ERC1: variants seen among roughly 807,000 people sequenced by gnomAD.
ERC1 encodes ELKS/RAB6-interacting/CAST family member 1, also known as RAB6 interacting protein 2.
A neutral mutation model predicts 132.0 loss-of-function variants in ERC1; 56 were observed. The ratio of observed to expected loss-of-function variants is 0.42; its 90% CI spans 0.34 to 0.53. The LOEUF (loss-of-function observed/expected upper bound fraction) is 0.53. Ranked by LOEUF, ERC1 falls within the 20% of genes least tolerant of loss-of-function variation. ERC1 has a pLI of 0.03. For synonymous variants in ERC1, 478 were observed against 476.1 expected (o/e 1.00, Z -0.05); for missense variants, 1,202 against 1,349.9 (o/e 0.89, Z 1.72).
intron 18 of ERC1, among the ~76,000 whole-genome samples, chr12:1,457,725 C>T (rs2093567750): frequency 6.6e-6 from 1 of 151,266 alleles, no homozygotes; most frequent in African/African-American, 2.4e-5. Flanking sequence ...AAAAGTTAAT[C>T]GAAAAAGGAA....
At chr12:1,080,526 A>G (rs1341964427) in intron 2 of ERC1, among the ~76,000 whole-genome samples, 3 of 152,172 alleles carry the variant, frequency 2.0e-5, no homozygotes, top group East Asian at 3.9e-4. Context: ...TCAAATCTCA[A>G]CTGGAATTGT....
At chr12:1,189,724 C>T in intron 11 of ERC1, 135 bp from the exon 12 acceptor site, 1 of 620,730 alleles carries the variant, frequency 1.6e-6, no homozygotes, top group Non-Finnish European at 2.7e-6. Context: ...AGATAAAAAC[C>T]TTATAAATTA....
rs193181479 is a variant in ERC1 at position 1,000,469 on chromosome 12, G to A, written c.-157+9147G>A. On this transcript the variant is annotated intron_variant, in intron 1 of 18. Transcript: ENST00000360905. ...CCACTGCACTCCAGTCTGGATGACA[G>A]AGCGAGACCCTGTCTCAGAAAAAAA... Among the ~76,000 whole-genome samples the A allele has an allele frequency of 2.0e-4, 30 of 150,420 alleles. 1 individual carries two copies. The highest frequency in any genetic ancestry group is 1.9e-3 in the Admixed American group (29 of 15,126).
At chr12:1,404,585 G>C (rs963213181) in intron 16 of ERC1, among the ~76,000 whole-genome samples, 1 of 152,196 alleles carries the variant, frequency 6.6e-6, no homozygotes, top group Non-Finnish European at 1.5e-5. Context: ...GATAGAACTA[G>C]ATATTTACAT....
chr12:1,008,451 TA>T (rs1964107586), intron 1 of ERC1, among the ~76,000 whole-genome samples: 2 of 152,146 alleles, frequency 1.3e-5, no homozygotes, highest in Non-Finnish European at 1.5e-5. Context: ...TAATTTTTTT[TA>T]ATTTTTTTGA....
In ERC1 at chr12:1,139,059, A is replaced by G. The variant is rs370474034; in HGVS notation, c.1570-2561A>G. ...AACAGAAGTGTGAGGATTTTAATGT[A>G]TATACAGTAGTCCTCCCTTAACTGC... On this transcript the variant is annotated intron_variant, in intron 7 of 18. Transcript: ENST00000360905. 8.5e-5 allele frequency among the ~76,000 whole-genome samples: 13 copies of G among 152,228 alleles called. No homozygotes were observed. In the East Asian group the frequency reaches 1.5e-3, roughly 18 times the overall value.
chr12:1,205,359 T>TTA (rs1464578184), intron 12 of ERC1, among the ~76,000 whole-genome samples: 24 of 151,360 alleles, frequency 1.6e-4, no homozygotes, highest in Non-Finnish European at 3.0e-4. Context: ...ATAATAGCGA[T>TTA]TATATATATG....
At chr12:1,143,965 T>A (rs1177424166) in intron 8 of ERC1, among the ~76,000 whole-genome samples, 2 of 151,986 alleles carry the variant, frequency 1.3e-5, no homozygotes, top group African/African-American at 4.8e-5. Context: ...AGGTTTGGAT[T>A]TTTTTTTAGT....
intron 1 of ERC1, among the ~76,000 whole-genome samples, chr12:996,411 G>A (rs540273031): frequency 2.6e-5 from 4 of 151,594 alleles, no homozygotes; most frequent in Non-Finnish European, 5.9e-5. Context: ...CTCATTCTCC[G>A]GGTAGATTTT....
intron 16 of ERC1, among the ~76,000 whole-genome samples, chr12:1,373,943 G>A (rs1038120820): frequency 1.3e-5 from 2 of 152,182 alleles, no homozygotes; most frequent in African/African-American, 4.8e-5. Context: ...AATAATAACA[G>A]TTCTCAGGAG....
rs1222631864 is a variant in ERC1 at position 1,495,259 on chromosome 12, G to A, written c.*5029G>A. The A allele has an allele frequency of 1.7e-5, 4 of 230,492 alleles. No homozygotes were observed. The highest frequency in any genetic ancestry group is 8.8e-5 in the African/African-American group (4 of 45,210). 14.3% of individuals were successfully genotyped at this position (230,492 alleles called of 1,614,324 possible). ...ACGGGTGAGCACTGGCCAGCCTGGAGCCTGCAATCCAGGTGGAACAGACTG... is the reference window on the plus strand; with the variant it reads ...ACGGGTGAGCACTGGCCAGCCTGGAACCTGCAATCCAGGTGGAACAGACTG... On this transcript the variant is annotated 3_prime_UTR_variant, in exon 19 of 19. Transcript: ENST00000360905.
At chr12:1,010,402 A>G (rs1368070072) in intron 1 of ERC1, among the ~76,000 whole-genome samples, 1 of 147,316 alleles carries the variant, frequency 6.8e-6, no homozygotes, top group East Asian at 2.0e-4. Context: ...AATCGCTTGA[A>G]CCCGGGAGGA....
chr12:1,223,048 C>T (rs2074293768), intron 12 of ERC1, among the ~76,000 whole-genome samples: 1 of 152,156 alleles, frequency 6.6e-6, no homozygotes, highest in Admixed American at 6.5e-5. Context: ...CGCATTTGTT[C>T]AACAAATGTT....
chr12:1,223,575 ACTT>A (rs569987918), intron 12 of ERC1, among the ~76,000 whole-genome samples: 1 of 152,152 alleles, frequency 6.6e-6, no homozygotes, highest in South Asian at 2.1e-4. Context: ...ATTTTGTAAA[ACTT>A]CTGGTGGCAG....
intron 17 of ERC1, among the ~76,000 whole-genome samples, chr12:1,434,806 G>A (rs1228244782): frequency 6.6e-6 from 1 of 152,176 alleles, no homozygotes; most frequent in Non-Finnish European, 1.5e-5. Flanking sequence ...TATCTCTGGT[G>A]TTTACCATGC....
At chr12:1,165,097 C>T (rs1952270206) in intron 8 of ERC1, among the ~76,000 whole-genome samples, 1 of 151,998 alleles carries the variant, frequency 6.6e-6, no homozygotes, top group Non-Finnish European at 1.5e-5. Context: ...GAAGAAAGTA[C>T]AGAAGAATAA....
At chr12:1,220,252 A>G (rs1190869580) in intron 12 of ERC1, among the ~76,000 whole-genome samples, 2 of 151,998 alleles carry the variant, frequency 1.3e-5, no homozygotes, top group South Asian at 2.1e-4. Context: ...GCTATGACAT[A>G]CTTTTTTGTT....
intron 17 of ERC1, among the ~76,000 whole-genome samples, chr12:1,443,112 G>A (rs2093205795): frequency 6.6e-6 from 1 of 151,958 alleles, no homozygotes; most frequent in Non-Finnish European, 1.5e-5. Flanking sequence ...TGTTAGCCAG[G>A]ATGGTCTCGA....
intron 1 of ERC1, among the ~76,000 whole-genome samples, chr12:998,664 A>G (rs11064633): frequency 0.26 from 39,854 of 151,958 alleles, 7,386 homozygotes; most frequent in African/African-American, 0.53. Flanking sequence ...AGTGCACTCA[A>G]GGCAGGATTT....
Sources: gnomAD v4.1 joint callset for allele counts (sites outside exome capture counted in the v4.1 genomes callset) on GRCh38, gnomAD v4.1.1 for gene constraint, MANE v1.5 for transcripts, NCBI Gene and HGNC (gene_info 2026-07-23, HGNC 2026-07-21) for gene names.